Variants in ENTREP2 observed in about 807,000 individuals in gnomAD.
The protein encoded by ENTREP2 is protein ENTREP2.
chr15:29,261,521 G>T, the ENTREP2 span, among the ~76,000 whole-genome samples: 966 of 152,280 alleles, frequency 6.3e-3, 13 homozygotes, highest in African/African-American at 0.022. Context: ...CTCTAAAAAG[G>T]AAAAGACAAA....
chr15:29,624,141 C>T, the ENTREP2 span, among the ~76,000 whole-genome samples: 1 of 152,160 alleles, frequency 6.6e-6, no homozygotes, highest in Non-Finnish European at 1.5e-5. Flanking sequence ...TTGGTTTATC[C>T]ACGTTTTCGT....
At chr15:29,209,952 T>TA in the ENTREP2 span, among the ~76,000 whole-genome samples, 1 of 152,224 alleles carries the variant, frequency 6.6e-6, no homozygotes, top group Non-Finnish European at 1.5e-5. Flanking sequence ...TCACCTGGGT[T>TA]AATTCAACTG....
At chr15:29,326,049 A>G in the ENTREP2 span, among the ~76,000 whole-genome samples, 1 of 152,136 alleles carries the variant, frequency 6.6e-6, no homozygotes, top group South Asian at 2.1e-4. Flanking sequence ...TTTATGAAAG[A>G]AAATTCTCTA....
At chr15:29,574,743 C>T in the ENTREP2 span, among the ~76,000 whole-genome samples, 1 of 152,278 alleles carries the variant, frequency 6.6e-6, no homozygotes, top group Admixed American at 6.5e-5. Context: ...CTCTTTTTGA[C>T]CTGTACCTGT....
chr15:29,352,559 C>A, the ENTREP2 span, among the ~76,000 whole-genome samples: 1 of 152,132 alleles, frequency 6.6e-6, no homozygotes, highest in Non-Finnish European at 1.5e-5. Flanking sequence ...CTTGTAACCG[C>A]TCGCCTGTCA....
At chr15:29,248,671 C>T in the ENTREP2 span, among the ~76,000 whole-genome samples, 1 of 152,006 alleles carries the variant, frequency 6.6e-6, no homozygotes, top group Admixed American at 6.5e-5. Flanking sequence ...CTTACTAGTA[C>T]TCAAAGAAAT....
At chr15:29,260,752 G>A in the ENTREP2 span, among the ~76,000 whole-genome samples, 2 of 24,490 alleles carry the variant, frequency 8.2e-5, no homozygotes, top group South Asian at 2.9e-3. Context: ...CTACTTTCAC[G>A]TTTGAAATTT....
chr15:29,209,840 C>G, the ENTREP2 span, among the ~76,000 whole-genome samples: 1 of 152,090 alleles, frequency 6.6e-6, no homozygotes, highest in Non-Finnish European at 1.5e-5. Flanking sequence ...CCAGCTGTCA[C>G]CCCCTCAGAG....
chr15:29,213,809 A>G, the ENTREP2 span, among the ~76,000 whole-genome samples: 5 of 152,192 alleles, frequency 3.3e-5, no homozygotes, highest in African/African-American at 1.2e-4. Context: ...CAAAGGGCTA[A>G]TATCCAGAAT....
At chr15:29,209,463 C>G in the ENTREP2 span, among the ~76,000 whole-genome samples, 1 of 152,128 alleles carries the variant, frequency 6.6e-6, no homozygotes, top group East Asian at 1.9e-4. Flanking sequence ...TATCACCCCA[C>G]TGCACTCCAG....
the ENTREP2 span, chr15:29,196,572 G>C: frequency 1.3e-6 from 2 of 1,547,994 alleles, no homozygotes; most frequent in Non-Finnish European, 1.7e-6. Flanking sequence ...AATCTAGACA[G>C]AGGAACACAG....
At chr15:29,498,397 G>T in the ENTREP2 span, among the ~76,000 whole-genome samples, 1 of 151,982 alleles carries the variant, frequency 6.6e-6, no homozygotes, top group African/African-American at 2.4e-5. Flanking sequence ...TCCATTGGTT[G>T]GGAGTATGTT....
the ENTREP2 span, among the ~76,000 whole-genome samples, chr15:29,571,336 C>T: frequency 6.6e-6 from 1 of 152,126 alleles, no homozygotes; most frequent in African/African-American, 2.4e-5. Flanking sequence ...CCAGCCGAGC[C>T]TTCAGAGCCT....
At chr15:29,136,464 T>G in the ENTREP2 span, 6 of 1,548,178 alleles carry the variant, frequency 3.9e-6, no homozygotes, top group Non-Finnish European at 5.2e-6. Context: ...TCATACAAAG[T>G]GCCGAATGGA....
chr15:29,564,545 G>A, the ENTREP2 span, among the ~76,000 whole-genome samples: 1 of 152,152 alleles, frequency 6.6e-6, no homozygotes, highest in African/African-American at 2.4e-5. Context: ...CCACATCGAC[G>A]CTGATTCTCC....
the ENTREP2 span, among the ~76,000 whole-genome samples, chr15:29,561,116 A>G: frequency 1.5e-5 from 1 of 66,350 alleles, no homozygotes; most frequent in South Asian, 5.2e-4. Context: ...TGGCAAAGAT[A>G]CGGAGAAAGG....
At chr15:29,143,732 T>A in the ENTREP2 span, among the ~76,000 whole-genome samples, 485 of 152,240 alleles carry the variant, frequency 3.2e-3, no homozygotes, top group African/African-American at 0.011. Context: ...TTGGAAGGTC[T>A]CAGATACAAA....
chr15:29,388,923 T>A, the ENTREP2 span, among the ~76,000 whole-genome samples: 17 of 128,882 alleles, frequency 1.3e-4, no homozygotes, highest in East Asian at 1.6e-3. Flanking sequence ...ATGAGAACAC[T>A]TGGACACAGG....
the ENTREP2 span, among the ~76,000 whole-genome samples, chr15:29,206,916 G>A: frequency 1.3e-5 from 2 of 152,012 alleles, no homozygotes; most frequent in Non-Finnish European, 2.9e-5. Context: ...ATTCACACAC[G>A]TGTCACCAAC....
Sources: allele counts gnomAD v4.1 joint callset (sites outside exome capture counted in the v4.1 genomes callset), GRCh38; gene constraint gnomAD v4.1.1; transcripts MANE v1.5; gene names NCBI Gene and HGNC (gene_info 2026-07-23, HGNC 2026-07-21).